Variants in SUGCT observed in about 807,000 individuals in gnomAD.
The protein encoded by SUGCT is succinyl-CoA:glutarate-CoA transferase, also known as succinyl-CoA:glutarate CoA-transferase.
SUGCT carries 41 observed loss-of-function variants against 55.0 expected under a neutral mutation model. The ratio of observed to expected loss-of-function variants is 0.74; its 90% CI spans 0.58 to 0.97. The LOEUF (loss-of-function observed/expected upper bound fraction) is 0.97, where lower values mean the gene tolerates loss of function less well. SUGCT is among the 50% of genes least tolerant of loss of function. The probability of loss-of-function intolerance (pLI) is 0.00; values close to 1 mark genes in which losing one functional copy is unlikely to be tolerated. For synonymous variants in SUGCT, 187 were observed against 200.4 expected (o/e 0.93, Z 0.56); for missense variants, 568 against 547.8 (o/e 1.04, Z -0.37).
intron 13 of SUGCT, among the ~76,000 whole-genome samples, chr7:40,795,779 G>T (rs1267015037): frequency 6.6e-6 from 1 of 152,178 alleles, no homozygotes; most frequent in Non-Finnish European, 1.5e-5. Context: ...CTGACTGTTA[G>T]TGTATTCTTC....
At chr7:40,467,947 T>C (rs1238364827) in intron 11 of SUGCT, among the ~76,000 whole-genome samples, 1 of 151,772 alleles carries the variant, frequency 6.6e-6, no homozygotes, top group Non-Finnish European at 1.5e-5. Context: ...TAATTAAGAC[T>C]ATTAATAGTA....
intron 9 of SUGCT, among the ~76,000 whole-genome samples, chr7:40,430,017 TA>T (rs1269177370): frequency 6.6e-6 from 1 of 152,198 alleles, no homozygotes; most frequent in Non-Finnish European, 1.5e-5. Context: ...TGTTCTTTTT[TA>T]AAAGCTGAAC....
intron 13 of SUGCT, chr7:40,782,444 T>C (rs1030393232): frequency 2.0e-5 from 3 of 152,188 alleles, no homozygotes; most frequent in Admixed American, 6.6e-5. Flanking sequence ...TCTATTATTA[T>C]CTGTGGTCTA....
chr7:40,864,130 T>C (rs1343929872), downstream of SUGCT, among the ~76,000 whole-genome samples: 1 of 152,164 alleles, frequency 6.6e-6, no homozygotes, highest in Non-Finnish European at 1.5e-5. Flanking sequence ...AGACACACCA[T>C]GCCATTTTCT....
intron 7 of SUGCT, among the ~76,000 whole-genome samples, chr7:40,241,595 G>A (rs1384730487): frequency 6.7e-6 from 1 of 148,236 alleles, no homozygotes; most frequent in Admixed American, 6.7e-5. Context: ...AAAAAAAAAA[G>A]GAAAAAGTAT....
chr7:40,227,831 A>G (rs1788468657), intron 6 of SUGCT, among the ~76,000 whole-genome samples: 1 of 151,456 alleles, frequency 6.6e-6, no homozygotes, highest in Non-Finnish European at 1.5e-5. Flanking sequence ...AAGTAAAAAT[A>G]ATCATAATTC....
At chr7:40,877,369 A>G in the SUGCT span, among the ~76,000 whole-genome samples, 3 of 152,232 alleles carry the variant, frequency 2.0e-5, no homozygotes, top group Non-Finnish European at 4.4e-5. Flanking sequence ...CATGGGTTCT[A>G]TACATTTTGA....
At chr7:40,544,078 C>T (rs145730832) in intron 12 of SUGCT, among the ~76,000 whole-genome samples, 322 of 151,282 alleles carry the variant, frequency 2.1e-3, no homozygotes, top group African/African-American at 7.2e-3. Context: ...CAGTTGACTA[C>T]CAGAATTGTG....
chr7:40,900,415 G>T, the SUGCT span, among the ~76,000 whole-genome samples: 1 of 152,178 alleles, frequency 6.6e-6, no homozygotes, highest in Non-Finnish European at 1.5e-5. Flanking sequence ...TAGTTGTGCG[G>T]ATTAAGTGAG....
intron 6 of SUGCT, among the ~76,000 whole-genome samples, chr7:40,200,879 T>C (rs556457043): frequency 6.6e-6 from 1 of 152,282 alleles, no homozygotes; most frequent in Non-Finnish European, 1.5e-5. Flanking sequence ...TCATAGTGTT[T>C]CAGAGTCAAT....
chr7:40,546,386 C>T (rs1300804254), intron 12 of SUGCT, among the ~76,000 whole-genome samples: 2 of 152,004 alleles, frequency 1.3e-5, no homozygotes, highest in Non-Finnish European at 2.9e-5. Context: ...AAGTAATGTG[C>T]CCATTTTTTC....
rs140595574 is a variant in SUGCT, at chr7:40,396,722, A to G, written c.817-52565A>G. Among the ~76,000 whole-genome samples the G allele has an allele frequency of 5.7e-4, 87 of 152,302 alleles. 1 individual carries two copies. The East Asian group carries it at 0.014, about 24-fold the overall frequency. ...TGGCTAATTTCCTTTAAATTCACATATATGTGTGGATTCAGGCACCTGTTG... is the reference window on the plus strand; with the variant it reads ...TGGCTAATTTCCTTTAAATTCACATGTATGTGTGGATTCAGGCACCTGTTG... On this transcript the variant is annotated intron_variant, in intron 9 of 13. Transcript: ENST00000335693.
chr7:41,019,037 C>T, the SUGCT span, among the ~76,000 whole-genome samples: 1 of 151,930 alleles, frequency 6.6e-6, no homozygotes, highest in Non-Finnish European at 1.5e-5. Flanking sequence ...TCCCGAGTAG[C>T]TGGGATTACA....
chr7:40,419,308 T>G (rs928401208), intron 9 of SUGCT, among the ~76,000 whole-genome samples: 3 of 152,164 alleles, frequency 2.0e-5, no homozygotes, highest in African/African-American at 4.8e-5. Context: ...ATTTTTTTCT[T>G]GTTCTTAATT....
At chr7:40,765,548 T>C (rs1259448568) in intron 13 of SUGCT, among the ~76,000 whole-genome samples, 1 of 152,106 alleles carries the variant, frequency 6.6e-6, no homozygotes, top group Non-Finnish European at 1.5e-5. Context: ...TATAAAGTCA[T>C]CTACTTTAAC....
the SUGCT span, among the ~76,000 whole-genome samples, chr7:40,974,933 C>T: frequency 6.6e-6 from 1 of 152,142 alleles, no homozygotes; most frequent in Non-Finnish European, 1.5e-5. Flanking sequence ...TTGCGAAAAT[C>T]TGCTTCAAGA....
intron 8 of SUGCT, among the ~76,000 whole-genome samples, chr7:40,292,812 C>CAGT (rs1330828378): frequency 6.6e-6 from 1 of 152,176 alleles, no homozygotes; most frequent in East Asian, 1.9e-4. Flanking sequence ...ATCCATCTTT[C>CAGT]AGTCTTTTAA....
At chr7:40,810,053 A>G (rs946578727) in intron 13 of SUGCT, among the ~76,000 whole-genome samples, 4 of 151,986 alleles carry the variant, frequency 2.6e-5, no homozygotes, top group African/African-American at 9.7e-5. Context: ...GGTTGATTCC[A>G]TGACTTTGCT....
At chr7:40,187,231 A>G (rs983422700) in intron 3 of SUGCT, among the ~76,000 whole-genome samples, 1 of 152,198 alleles carries the variant, frequency 6.6e-6, no homozygotes, top group Non-Finnish European at 1.5e-5. Flanking sequence ...TGGGAATTGA[A>G]CAATGAGAAC....
Sources: allele counts gnomAD v4.1 joint callset (sites outside exome capture counted in the v4.1 genomes callset), GRCh38; gene constraint gnomAD v4.1.1; transcripts MANE v1.5; gene names NCBI Gene and HGNC (gene_info 2026-07-23, HGNC 2026-07-21).